The following ITFG2 variants were observed in gnomAD, a reference collection of about 807,000 sequenced individuals.
ITFG2 encodes the protein KICSTOR complex protein ITFG2.
ITFG2 carries 36 observed loss-of-function variants against 54.4 expected under a neutral mutation model. The ratio of observed to expected loss-of-function variants is 0.66; its 90% CI spans 0.51 to 0.87. ITFG2 has a LOEUF of 0.87. Among genes scored for constraint, ITFG2 ranks in the 40% least tolerant of loss-of-function variants. ITFG2 has a pLI of 0.00. For missense variants in ITFG2, 524 were observed against 576.7 expected (o/e 0.91, Z 0.94); for synonymous variants, 211 against 225.4 (o/e 0.94, Z 0.57).
downstream of ITFG2, among the ~76,000 whole-genome samples, chr12:2,829,386 G>A (rs538692592): frequency 2.6e-5 from 4 of 152,136 alleles, no homozygotes; most frequent in South Asian, 4.1e-4. Context: ...ATATGTTACC[G>A]GAAGGTATAT....
chr12:2,813,321 G>A (rs1244352684), intron 1 of ITFG2, among the ~76,000 whole-genome samples: 5 of 152,236 alleles, frequency 3.3e-5, no homozygotes, highest in African/African-American at 1.2e-4. Context: ...CACAGGTCAA[G>A]CAGGTAAAAC....
chr12:2,834,675 G>A (rs770517559), upstream of ITFG2: 4 of 1,611,444 alleles, frequency 2.5e-6, no homozygotes, highest in South Asian at 3.3e-5. Context: ...TCTTGAGGCT[G>A]TCCAGCGGGA....
At chr12:2,851,504 G>A (rs1431923962) in intron 2 of ITFG2, among the ~76,000 whole-genome samples, 2 of 151,884 alleles carry the variant, frequency 1.3e-5, no homozygotes, top group East Asian at 2.0e-4. Context: ...CACCATGCCC[G>A]GCTAGTTTTT....
intron 10 of ITFG2, 107 bp downstream of exon 10, chr12:2,823,018 C>T (rs1379179987): frequency 1.2e-6 from 1 of 801,296 alleles, no homozygotes; most frequent in Non-Finnish European, 2.1e-6. Flanking sequence ...GACGTATCCC[C>T]TGATGTAAGT....
chr12:2,827,780 C>T, downstream of ITFG2: 7 of 1,606,530 alleles, frequency 4.4e-6, no homozygotes, highest in Non-Finnish European at 5.1e-6. The surrounding 1 kb of genome is among the most constrained non-coding windows in gnomAD (Gnocchi z 4.0). Context: ...ATCCCCAGAT[C>T]CGAGGACACT....
At chr12:2,853,326 A>T (rs1425208672) in intron 2 of ITFG2, among the ~76,000 whole-genome samples, 1 of 151,892 alleles carries the variant, frequency 6.6e-6, no homozygotes, top group South Asian at 2.1e-4. Flanking sequence ...CCCAGGCTGG[A>T]GTGCAGTGGC....
chr12:2,847,123 G>T (rs1219066222), intron 2 of ITFG2, among the ~76,000 whole-genome samples: 2 of 152,102 alleles, frequency 1.3e-5, no homozygotes, highest in African/African-American at 4.8e-5. Flanking sequence ...GTGGCTTTTT[G>T]TGTCTGGCTT....
upstream of ITFG2, chr12:2,835,159 A>ATGTGTGTGTGTGTGTGTGTG (rs375198605): frequency 1.6e-4 from 181 of 1,127,484 alleles, 3 homozygotes; most frequent in East Asian, 3.7e-3. Flanking sequence ...GATGGGGCGT[A>ATGTGTGTGTGTGTGTGTGTG]TGTGTGTGTG....
At chr12:2,846,334 A>C (rs2098053336) in intron 2 of ITFG2, among the ~76,000 whole-genome samples, 2 of 152,128 alleles carry the variant, frequency 1.3e-5, no homozygotes, top group African/African-American at 4.8e-5. Flanking sequence ...CTTGTTTTCA[A>C]GAATCCCAAT....
chr12:2,853,720 T>A (rs2098078639), intron 2 of ITFG2, among the ~76,000 whole-genome samples: 1 of 152,158 alleles, frequency 6.6e-6, no homozygotes, highest in African/African-American at 2.4e-5. Context: ...CCTTCCCCCT[T>A]TCTTGTTACT....
intron 1 of ITFG2, among the ~76,000 whole-genome samples, chr12:2,839,538 G>T (rs1444226765): frequency 2.0e-5 from 3 of 152,214 alleles, no homozygotes; most frequent in Non-Finnish European, 4.4e-5. Flanking sequence ...CTCCTTCGCT[G>T]CATTGGTTCT....
chr12:2,830,872 A>T, exon 3 of ITFG2: 1 of 1,610,648 alleles, frequency 6.2e-7, no homozygotes, highest in East Asian at 2.2e-5. Flanking sequence ...TGGCTCCATC[A>T]CAAAACAATG....
At chr12:2,853,016 C>CAACA (rs1555094347) in intron 2 of ITFG2, among the ~76,000 whole-genome samples, 113 of 149,560 alleles carry the variant, frequency 7.6e-4, no homozygotes, top group South Asian at 1.5e-3. Context: ...AAAGAAACAA[C>CAACA]AAAAAAAAAC....
chr12:2,849,081 G>A lies in ITFG2; in HGVS notation n.300+8086G>A, dbSNP rs560719982. 7.6e-4 allele frequency: 555 copies of A among 734,950 alleles called. 6 individuals carry two copies. In the South Asian group the frequency reaches 0.01, roughly 13 times the overall value. 45.5% of individuals were successfully genotyped at this position (734,950 alleles called of 1,614,324 possible). On this transcript the variant is annotated intron_variant and non_coding_transcript_variant, in intron 2 of 3. Transcript: ENST00000537710. Reference sequence around the variant, plus strand: ...ATCTCCAATAGCCTGGGGTACAGAGGTGGCTTGAGGCTGGGAGGATGGTGG... The same window carrying A: ...ATCTCCAATAGCCTGGGGTACAGAGATGGCTTGAGGCTGGGAGGATGGTGG...
downstream of ITFG2, chr12:2,830,962 C>G (rs531253806): frequency 1.5e-6 from 2 of 1,292,492 alleles, no homozygotes; most frequent in South Asian, 1.4e-5. Context: ...CCCCCACCCC[C>G]CCAGCCCTGA....
downstream of ITFG2, among the ~76,000 whole-genome samples, chr12:2,829,682 G>C (rs559780015): frequency 1.3e-5 from 2 of 152,264 alleles, no homozygotes; most frequent in African/African-American, 4.8e-5. Flanking sequence ...TGGGAGGATC[G>C]CTTGAGTCCA....
chr12:2,853,464 G>C (rs534643347), intron 2 of ITFG2, among the ~76,000 whole-genome samples: 3 of 152,004 alleles, frequency 2.0e-5, no homozygotes, highest in Admixed American at 1.3e-4. Context: ...GTAGAGACGG[G>C]GTTTCACCAT....
chr12:2,830,532 A>T, intron 2 of ITFG2: 1 of 589,690 alleles, frequency 1.7e-6, no homozygotes, highest in Non-Finnish European at 2.9e-6. Context: ...CACCGAGGAG[A>T]CATGGCTTGG....
chr12:2,843,753 C>T (rs1422137270), intron 2 of ITFG2, among the ~76,000 whole-genome samples: 1 of 151,912 alleles, frequency 6.6e-6, no homozygotes, highest in African/African-American at 2.4e-5. Context: ...GTGGAGGTTG[C>T]AGTGAGCTGA....
Sources: allele counts gnomAD v4.1 joint callset (sites outside exome capture counted in the v4.1 genomes callset), GRCh38; gene constraint gnomAD v4.1.1; non-coding constraint Gnocchi (gnomAD v3.1); transcripts MANE v1.5; gene names NCBI Gene and HGNC (gene_info 2026-07-23, HGNC 2026-07-21).